CPXM2: variants seen among roughly 807,000 people sequenced by gnomAD.
The protein encoded by CPXM2 is inactive carboxypeptidase-like protein X2.
A neutral mutation model predicts 86.1 loss-of-function variants in CPXM2; 66 were observed. The ratio of observed to expected loss-of-function variants is 0.77; its 90% confidence interval spans 0.63 to 0.94. The LOEUF is 0.94. Among genes scored for constraint, CPXM2 ranks in the 40% least tolerant of loss-of-function variants. The pLI, the probability that CPXM2 is intolerant of heterozygous loss-of-function variation, is 0.00. For missense variants in CPXM2, 948 were observed against 1,026.3 expected, an observed-to-expected ratio of 0.92 and a Z score of 1.04; for synonymous variants, 388 against 400.2, an observed-to-expected ratio of 0.97 and a Z score of 0.36.
At chr10:123,871,234 G>C (rs1944890934) in intron 2 of CPXM2, among the ~76,000 whole-genome samples, 1 of 152,174 alleles carries the variant, frequency 6.6e-6, no homozygotes, top group Admixed American at 6.5e-5. Flanking sequence ...AGTCCACACT[G>C]TTACCATGGT....
At chr10:123,904,598 T>C (rs967930109) in intron 2 of CPXM2, among the ~76,000 whole-genome samples, 1 of 152,172 alleles carries the variant, frequency 6.6e-6, no homozygotes, top group Non-Finnish European at 1.5e-5. Flanking sequence ...GCTATGACCG[T>C]GTCTAGCACA....
At chr10:123,760,941 C>CATG (rs1846319634) in intron 11 of CPXM2, among the ~76,000 whole-genome samples, 1 of 32,368 alleles carries the variant, frequency 3.1e-5, no homozygotes, top group Admixed American at 3.3e-4. Context: ...TTTGCAAATT[C>CATG]ATCGTCTTGA....
chr10:123,876,302 A>G (rs567520705), intron 2 of CPXM2, among the ~76,000 whole-genome samples: 19 of 152,328 alleles, frequency 1.2e-4, no homozygotes, highest in Admixed American at 2.0e-4. Flanking sequence ...CACCATTGTC[A>G]AGTGCTGCTA....
chr10:123,865,947 G>A lies in CPXM2; in HGVS notation c.404-3224C>T, dbSNP rs559322915. Among the ~76,000 whole-genome samples, 83 of 152,040 alleles carry A rather than the reference G, an allele frequency of 5.5e-4. 1 individual carries two copies. The highest frequency in any genetic ancestry group is 2.5e-3 in the South Asian group (12 of 4,804). ...TTTGGGACTCCTCAGCCTCTTCTCC[G>A]TTTTTCTGTACTGGGCCCCACAATT... On this transcript the variant is annotated intron_variant, in intron 2 of 13. Transcript: ENST00000241305. This position sits in a 1 kb window ranked among gnomAD's most constrained non-coding sequence, Gnocchi z 4.7.
intron 1 of CPXM2, chr10:123,939,599 T>A (rs1450985734): frequency 6.6e-6 from 1 of 152,220 alleles, no homozygotes; most frequent in Non-Finnish European, 1.5e-5. Flanking sequence ...TGTAATGTCA[T>A]GAGACTCTGC....
intron 6 of CPXM2, among the ~76,000 whole-genome samples, chr10:123,791,443 G>A (rs1027217220): frequency 6.6e-6 from 1 of 152,154 alleles, no homozygotes; most frequent in African/African-American, 2.4e-5. Flanking sequence ...GAGCTTCAAG[G>A]CATCAGCAGG....
chr10:123,808,821 AT>A (rs1847633433), intron 4 of CPXM2, among the ~76,000 whole-genome samples: 1 of 152,206 alleles, frequency 6.6e-6, no homozygotes, highest in African/African-American at 2.4e-5. Flanking sequence ...TAATTATCAC[AT>A]TTTTAAGTTT....
chr10:123,853,883 C>T (rs185424655), intron 3 of CPXM2, among the ~76,000 whole-genome samples: 76 of 152,156 alleles, frequency 5.0e-4, no homozygotes, highest in African/African-American at 1.6e-3. Flanking sequence ...CCAGCCTGGG[C>T]GACAGAGCGA....
chr10:123,757,666 C>T (rs1846246443), intron 11 of CPXM2, among the ~76,000 whole-genome samples: 1 of 152,166 alleles, frequency 6.6e-6, no homozygotes, highest in Non-Finnish European at 1.5e-5. Flanking sequence ...AAGTTTAATG[C>T]TCCTTTTTGG....
intron 4 of CPXM2, among the ~76,000 whole-genome samples, chr10:123,838,025 G>A (rs1252251399): frequency 1.3e-5 from 2 of 152,176 alleles, no homozygotes; most frequent in African/African-American, 2.4e-5. Context: ...TAGACTGAAA[G>A]CTCCCTGCAG....
At position 123,830,872 on chromosome 10, in the gene CPXM2, C is replaced by CTGTGTG. The variant is rs34599295; in HGVS notation, c.653+11471_653+11476dup. 1.6e-4 allele frequency among the ~76,000 whole-genome samples: 23 copies of CTGTGTG among 142,800 alleles called. No homozygotes were observed. The South Asian group carries it at 2.1e-3, about 13-fold the overall frequency. The allele number at this position is 142,800 out of a possible 152,430, so 93.7% of individuals were successfully genotyped here. A position where few individuals can be genotyped will look rare whatever the true frequency, so the allele number is the denominator to read the frequency against. On this transcript the variant is annotated intron_variant, in intron 4 of 13. Coordinates refer to ENST00000241305, the MANE Select transcript of CPXM2 (RefSeq NM_198148.3). ...CACTCATCTCTCTCTCTCTCTCTCTCTGTGTGTGTGTGTGTGTGTGTGTGT... is the reference window on the plus strand; with the variant it reads ...CACTCATCTCTCTCTCTCTCTCTCTCTGTGTGTGTGTGTGTGTGTGTGTGTGTGTGT...
intron 13 of CPXM2, chr10:123,751,152 G>T: frequency 2.9e-6 from 2 of 685,460 alleles, no homozygotes; most frequent in Non-Finnish European, 3.6e-6. Context: ...TGAGCGTGTG[G>T]CTAGGGAACT....
chr10:123,898,891 T>G (rs1043719556), intron 2 of CPXM2, among the ~76,000 whole-genome samples: 9 of 152,138 alleles, frequency 5.9e-5, no homozygotes, highest in Non-Finnish European at 8.8e-5. Flanking sequence ...ATTATAGGCA[T>G]GCACCACCAT....
upstream of CPXM2, among the ~76,000 whole-genome samples, chr10:123,941,972 A>C (rs1945781845): frequency 1.3e-5 from 2 of 152,242 alleles, no homozygotes; most frequent in Non-Finnish European, 2.9e-5. Context: ...AGCTTAAAAT[A>C]GGTTAAAAAG....
chr10:123,772,484 C>T (rs933140098), intron 7 of CPXM2, among the ~76,000 whole-genome samples: 3 of 151,544 alleles, frequency 2.0e-5, no homozygotes, highest in African/African-American at 7.3e-5. Flanking sequence ...TATCACTCCC[C>T]TGGTTGCAGT....
chr10:123,826,118 T>C lies in CPXM2; in HGVS notation c.653+16231A>G, dbSNP rs148686640. ...ATTTAATCAACACTATGAGGTATCA[T>C]TATTATTCCTGCTTTACAGATAAGG... On this transcript the variant is annotated intron_variant, in intron 4 of 13. Coordinates refer to ENST00000241305, the MANE Select transcript of CPXM2 (RefSeq NM_198148.3). Among the ~76,000 whole-genome samples the C allele has an allele frequency of 9.9e-4, 151 of 152,350 alleles. 1 individual carries two copies. The highest frequency in any genetic ancestry group is 3.4e-3 in the Middle Eastern group (1 of 294).
intron 13 of CPXM2, among the ~76,000 whole-genome samples, chr10:123,747,657 G>A (rs1189397893): frequency 1.3e-5 from 2 of 152,100 alleles, no homozygotes; most frequent in Admixed American, 6.5e-5. Context: ...TGCCTCCCAG[G>A]TAACTACCAG....
intron 4 of CPXM2, among the ~76,000 whole-genome samples, chr10:123,832,263 G>C (rs1326388460): frequency 6.6e-6 from 1 of 152,088 alleles, no homozygotes; most frequent in Non-Finnish European, 1.5e-5. Flanking sequence ...AGCCCTGGGG[G>C]AGCCATGCAA....
At chr10:123,935,941 TCAC>T (rs113459972) in intron 2 of CPXM2, among the ~76,000 whole-genome samples, 33 of 149,134 alleles carry the variant, frequency 2.2e-4, no homozygotes, top group African/African-American at 7.3e-4. Flanking sequence ...ACCATCATCA[TCAC>T]CATCATCACC....
Sources: gnomAD v4.1 joint callset for allele counts (sites outside exome capture counted in the v4.1 genomes callset) on GRCh38, gnomAD v4.1.1 for gene constraint, Gnocchi (gnomAD v3.1) non-coding constraint, MANE v1.5 for transcripts, NCBI Gene and HGNC (gene_info 2026-07-23, HGNC 2026-07-21) for gene names.